The following NFE2L3 variants were observed in gnomAD, a reference collection of about 807,000 sequenced individuals.
The protein encoded by NFE2L3 is nuclear factor erythroid 2-related factor 3.
NFE2L3 carries 18 observed loss-of-function variants against 23.5 expected under a neutral mutation model. The ratio of observed to expected loss-of-function variants is 0.77; its 90% CI spans 0.53 to 1.13. NFE2L3 has a LOEUF of 1.13. NFE2L3 is among the 50% of genes most tolerant of loss of function. NFE2L3 has a pLI of 0.00. For missense variants in NFE2L3, 1,152 were observed against 877.2 expected (o/e 1.31, Z -3.96); for synonymous variants, 424 against 354.5 (o/e 1.20, Z -2.20).
intron 1 of NFE2L3, among the ~76,000 whole-genome samples, chr7:26,171,851 C>T (rs903910621): frequency 6.6e-6 from 1 of 151,426 alleles, no homozygotes; most frequent in South Asian, 2.1e-4. Flanking sequence ...CCCATCTCTA[C>T]AAAAAAAACA....
At chr7:26,168,993 G>A (rs1784296318) in intron 1 of NFE2L3, among the ~76,000 whole-genome samples, 1 of 152,184 alleles carries the variant, frequency 6.6e-6, no homozygotes, top group African/African-American at 2.4e-5. Context: ...TTTTTACTCA[G>A]CTGTTTTGAA....
intron 1 of NFE2L3, among the ~76,000 whole-genome samples, chr7:26,168,469 C>T (rs1190505820): frequency 2.1e-5 from 1 of 48,422 alleles, no homozygotes; most frequent in Admixed American, 1.9e-4. Flanking sequence ...GCCATTAATT[C>T]GTTCTTTTTT....
At chr7:26,176,799 TTCCCAGACG>T (rs1784417341) in intron 1 of NFE2L3, among the ~76,000 whole-genome samples, 1 of 69,574 alleles carries the variant, frequency 1.4e-5, no homozygotes, top group African/African-American at 6.6e-5. Flanking sequence ...CGCTCCTCAC[TTCCCAGACG>T]GGGTGGCCAG....
At chr7:26,162,055 A>G (rs1784180816) in intron 1 of NFE2L3, among the ~76,000 whole-genome samples, 1 of 151,718 alleles carries the variant, frequency 6.6e-6, no homozygotes, top group African/African-American at 2.4e-5. Context: ...AGGCACGAGA[A>G]TCGCTTGAAC....
intron 2 of NFE2L3, among the ~76,000 whole-genome samples, chr7:26,181,743 GGAACAGAATCTATAAGGCAA>G (rs1784515256): frequency 6.6e-6 from 1 of 152,058 alleles, no homozygotes; most frequent in Admixed American, 6.5e-5. Flanking sequence ...ATTGTTCATA[GGAACAGAATCTATAAGGCAA>G]GAACAGACTA....
Position 26,152,768 on chromosome 7 carries a change from G to C in NFE2L3, c.270G>C (p.Gln90His), listed in dbSNP as rs919323970. 6.8e-6 allele frequency: 10 copies of C among 1,480,246 alleles called. No homozygotes were observed. Among genetic ancestry groups the C allele is most frequent in the African/African-American group, 4.4e-5 (3 of 68,262 alleles). The allele number at this position is 1,480,246 out of a possible 1,614,324, so 91.7% of individuals were successfully genotyped here. The change falls in exon 1 of 4, where the codon CAG becomes CAC. Residue 90 changes from glutamine (Q) to histidine (H), a missense_variant. Coordinates refer to ENST00000056233, the MANE Select transcript of NFE2L3 (RefSeq NM_004289.7). This position sits in a 1 kb window ranked among gnomAD's most constrained non-coding sequence, Gnocchi z 4.4. ...ACCCTGCCGCGCCGCCCGAGGGCCA[G>C]CTGCTCCGGGAGGTGCGCGCGCTCG... is the stretch of plus-strand genomic sequence containing the variant. ...ELDPAAPPEG[Q>H]LLREVRALGV...
intron 3 of NFE2L3, chr7:26,184,105 A>G (rs1027131748): frequency 2.6e-6 from 1 of 378,252 alleles, no homozygotes; most frequent in South Asian, 3.7e-5. Flanking sequence ...TATTGCAGCA[A>G]TATTCACAAT....
intron 1 of NFE2L3, among the ~76,000 whole-genome samples, chr7:26,172,499 C>A (rs1212680471): frequency 6.6e-6 from 1 of 152,196 alleles, no homozygotes; most frequent in Non-Finnish European, 1.5e-5. Context: ...GACATTTAAT[C>A]TGAATGTAAG....
Position 26,176,834 on chromosome 7 carries a change from A to G in NFE2L3, c.571-1109A>G, listed in dbSNP as rs550334174. ...GGGTGGCCAGGCAGAGGCGCTCCTC[A>G]CTTCCCAGACGATGGGTGGCCGGGC... On this transcript the variant is annotated intron_variant, in intron 1 of 3. Coordinates refer to ENST00000056233, the MANE Select transcript of NFE2L3 (RefSeq NM_004289.7). 3.3e-5 allele frequency among the ~76,000 whole-genome samples: 4 copies of G among 119,840 alleles called. 1 individual carries two copies. In the East Asian group the frequency reaches 1.0e-3, roughly 31 times the overall value. The allele number at this position is 119,840 out of a possible 152,430, so 78.6% of individuals were successfully genotyped here. A position where few individuals can be genotyped will look rare whatever the true frequency, so the allele number is the denominator to read the frequency against.
intron 2 of NFE2L3, among the ~76,000 whole-genome samples, chr7:26,181,233 T>A (rs938950851): frequency 4.6e-5 from 7 of 152,176 alleles, no homozygotes; most frequent in African/African-American, 1.2e-4. Context: ...CACTTTGGCC[T>A]CCCAAAGTGC....
intron 2 of NFE2L3, among the ~76,000 whole-genome samples, 183 bp from the exon 3 acceptor site, chr7:26,183,518 A>G (rs1782385764): frequency 6.6e-6 from 1 of 152,014 alleles, no homozygotes; most frequent in Admixed American, 6.5e-5. Context: ...ACTGCACTCC[A>G]TTCTGGGCCA....
At position 26,186,406 on chromosome 7, in the gene NFE2L3, T is replaced by TCAGA. The variant is rs1381127670; in HGVS notation, c.*625_*628dup. On this transcript the variant is annotated 3_prime_UTR_variant, in exon 4 of 4. Coordinates refer to ENST00000056233, the MANE Select transcript of NFE2L3 (RefSeq NM_004289.7). ...CAAATAAGGCAGCATAGCAAACTGC[T>TCAGA]CAGACTCAAGCCAAATTGAGGTCAA... The TCAGA allele has an allele frequency of 6.6e-6, 1 of 152,280 alleles. No homozygotes were observed. Among genetic ancestry groups the TCAGA allele is most frequent in the Admixed American group, 6.6e-5 (1 of 15,266 alleles). The allele number at this position is 152,280 out of a possible 1,614,324, so 9.4% of individuals were successfully genotyped here. A position where few individuals can be genotyped will look rare whatever the true frequency, so the allele number is the denominator to read the frequency against.
chr7:26,179,200 G>C (rs188313000), intron 2 of NFE2L3, among the ~76,000 whole-genome samples: 3 of 152,086 alleles, frequency 2.0e-5, no homozygotes, highest in Admixed American at 6.5e-5. Context: ...TGCAGCAATT[G>C]ATAAGAATAA....
chr7:26,181,596 T>TA lies in NFE2L3; in HGVS notation c.751-2105_751-2104insA, dbSNP rs537928189. 9.2e-5 allele frequency among the ~76,000 whole-genome samples: 14 copies of TA among 152,210 alleles called. No homozygotes were observed. The South Asian group carries it at 2.9e-3, about 32-fold the overall frequency. On this transcript the variant is annotated intron_variant, in intron 2 of 3. Coordinates refer to ENST00000056233, the MANE Select transcript of NFE2L3 (RefSeq NM_004289.7). ...TGGAAAATGATATAAACACTGGTTCTTGAAAAGAAAAATGCAAAACTGCTC... is the reference window on the plus strand; with the variant it reads ...TGGAAAATGATATAAACACTGGTTCTATGAAAAGAAAAATGCAAAACTGCTC...
chr7:26,153,689 C>G (rs2158359), intron 1 of NFE2L3, among the ~76,000 whole-genome samples: 1 of 151,964 alleles, frequency 6.6e-6, no homozygotes, highest in Non-Finnish European at 1.5e-5. Context: ...ATTAGCATAA[C>G]GAAAACAGGT....
chr7:26,179,120 C>T (rs1346005949), intron 2 of NFE2L3, among the ~76,000 whole-genome samples: 1 of 152,112 alleles, frequency 6.6e-6, no homozygotes, highest in Non-Finnish European at 1.5e-5. Context: ...CCACCTAGAG[C>T]CCCTTGGTGA....
Position 26,152,712 on chromosome 7 carries a change from G to C in NFE2L3, c.214G>C (p.Gly72Arg). The C allele has an allele frequency of 6.8e-7, 1 of 1,476,826 alleles. No homozygotes were observed. The highest frequency in any genetic ancestry group is 8.9e-7 in the Non-Finnish European group (1 of 1,121,066). 91.5% of individuals were successfully genotyped at this position (1,476,826 alleles called of 1,614,324 possible). A position where few individuals can be genotyped will look rare whatever the true frequency, so the allele number is the denominator to read the frequency against. The change falls in exon 1 of 4, where the codon GGC (glycine) becomes CGC (arginine). Residue 72 changes from glycine to arginine, a missense_variant. Gly to Arg is a moderately radical substitution (Grantham distance 125). Coordinates refer to ENST00000056233, the MANE Select transcript of NFE2L3 (RefSeq NM_004289.7). This position sits in a 1 kb window ranked among gnomAD's most constrained non-coding sequence, Gnocchi z 4.4. ...FSASGGWGRA[G>R]HLHPKGRELD... ...GGCCTCGGGAGGGTGGGGGCGCGCG[G>C]GCCACTTGCACCCCAAGGGCCGGGA...
chr7:26,175,668 A>G (rs977483453), intron 1 of NFE2L3, among the ~76,000 whole-genome samples: 4 of 149,988 alleles, frequency 2.7e-5, no homozygotes, highest in African/African-American at 9.7e-5. Flanking sequence ...AGTCCCAGTT[A>G]CTGGGGAGGC....
chr7:26,164,447 A>G (rs918347854), intron 1 of NFE2L3, among the ~76,000 whole-genome samples: 7 of 152,166 alleles, frequency 4.6e-5, no homozygotes, highest in Non-Finnish European at 1.0e-4. Context: ...TGGCTGCATA[A>G]ATGTCTTCTT....
Sources: gnomAD v4.1 joint callset for allele counts (sites outside exome capture counted in the v4.1 genomes callset) on GRCh38, gnomAD v4.1.1 for gene constraint, Gnocchi (gnomAD v3.1) non-coding constraint, MANE v1.5 for transcripts, NCBI Gene and HGNC (gene_info 2026-07-23, HGNC 2026-07-21) for gene names.